Variants in PIK3C2A observed in about 807,000 individuals in gnomAD.
PIK3C2A encodes the protein phosphatidylinositol-4-phosphate 3-kinase catalytic subunit type 2 alpha.
Under a neutral mutation model 204.5 loss-of-function variants are expected in PIK3C2A, and 97 were observed. The observed-to-expected ratio is 0.47, with a 90% CI of 0.40 to 0.56. The LOEUF (loss-of-function observed/expected upper bound fraction) is 0.56. Among genes scored for constraint, PIK3C2A ranks in the 20% least tolerant of loss-of-function variants. PIK3C2A has a pLI of 0.00. For synonymous variants in PIK3C2A, 653 were observed against 664.4 expected, an observed-to-expected ratio of 0.98 and a Z score of 0.26; for missense variants, 1,735 against 1,969.2, an observed-to-expected ratio of 0.88 and a Z score of 2.25.
intron 1 of PIK3C2A, among the ~76,000 whole-genome samples, chr11:17,178,712 A>C (rs6486355): frequency 1.7e-5 from 1 of 59,934 alleles, no homozygotes; most frequent in Non-Finnish European, 3.1e-5. Context: ...TTGATTTTTG[A>C]ATTTTTTTTT....
intron 22 of PIK3C2A, among the ~76,000 whole-genome samples, chr11:17,109,974 A>G (rs1848943552): frequency 1.3e-5 from 2 of 152,118 alleles, no homozygotes; most frequent in East Asian, 3.9e-4. Context: ...TTATTTTGAG[A>G]TAGAGTCTCA....
chr11:17,088,188 T>G lies in PIK3C2A; in HGVS notation c.*1550A>C, dbSNP rs552250967. 1 of 152,306 alleles carries G rather than the reference T, an allele frequency of 6.6e-6. No individual in the cohort carries two copies. Among genetic ancestry groups the G allele is most frequent in the South Asian group, 2.1e-4 (1 of 4,832 alleles). The allele number at this position is 152,306 out of a possible 1,614,324, so 9.4% of individuals were successfully genotyped here. ...CATGAGTTCTTATTATATATATGTA[T>G]ATATCCAAATTAACAAAATTGTGTC... On this transcript the variant is annotated 3_prime_UTR_variant, in exon 33 of 33. Transcript: ENST00000691414.
chr11:17,127,180 T>C (rs1038309050), intron 13 of PIK3C2A, among the ~76,000 whole-genome samples: 3 of 152,176 alleles, frequency 2.0e-5, no homozygotes, highest in African/African-American at 7.2e-5. Context: ...TAGCCTTTGG[T>C]AGTTCAAAAT....
At chr11:17,165,524 C>T (rs1164753384) in intron 2 of PIK3C2A, among the ~76,000 whole-genome samples, 2 of 151,934 alleles carry the variant, frequency 1.3e-5, no homozygotes, top group African/African-American at 4.8e-5. Context: ...GCCTGTAATC[C>T]CAGCACGTTG....
At chr11:17,182,218 G>T (rs621246) in intron 1 of PIK3C2A, among the ~76,000 whole-genome samples, 87,872 of 151,850 alleles carry the variant, frequency 0.58, 25,756 homozygotes, top group East Asian at 0.82. Context: ...ACCCAAGTAT[G>T]TATTTATAAT....
intron 22 of PIK3C2A, among the ~76,000 whole-genome samples, chr11:17,108,411 G>A (rs1316438751): frequency 2.0e-5 from 3 of 152,086 alleles, no homozygotes; most frequent in Non-Finnish European, 4.4e-5. Context: ...GGCCGGCCTC[G>A]ACAACATAGT....
chr11:17,196,529 C>A (rs1459597991), intron 1 of PIK3C2A, among the ~76,000 whole-genome samples: 3 of 151,994 alleles, frequency 2.0e-5, no homozygotes, highest in Non-Finnish European at 2.9e-5. Context: ...GAGAAAAGAA[C>A]AGTAATGTGA....
intron 1 of PIK3C2A, among the ~76,000 whole-genome samples, chr11:17,181,646 AT>A: frequency 9.8e-6 from 1 of 102,138 alleles, no homozygotes; most frequent in African/African-American, 5.6e-5. Context: ...ATATATATAT[AT>A]ATATATATAT....
rs1260001313 is a variant in PIK3C2A, at chr11:17,088,646, G to A, written c.*1092C>T. The A allele has an allele frequency of 6.6e-6, 1 of 152,208 alleles. No individual in the cohort carries two copies. The highest frequency in any genetic ancestry group is 2.4e-5 in the African/African-American group (1 of 41,450). 9.4% of individuals were successfully genotyped at this position (152,208 alleles called of 1,614,324 possible). On this transcript the variant is annotated 3_prime_UTR_variant, in exon 33 of 33. Transcript: ENST00000691414. ...ATAACTTTTCATGTGAATGTAAAATGTTTACACACATAAGTAAGACAGTTT... is the reference window on the plus strand; with the variant it reads ...ATAACTTTTCATGTGAATGTAAAATATTTACACACATAAGTAAGACAGTTT...
chr11:17,095,670 G>A (rs984110273), intron 27 of PIK3C2A, among the ~76,000 whole-genome samples: 104 of 151,938 alleles, frequency 6.8e-4, no homozygotes, highest in African/African-American at 2.5e-3. Flanking sequence ...AGAACTTCGA[G>A]AGGCCGAAAT....
intron 13 of PIK3C2A, among the ~76,000 whole-genome samples, chr11:17,128,028 T>TC (rs1396014156): frequency 1.3e-5 from 2 of 151,738 alleles, no homozygotes; most frequent in African/African-American, 2.4e-5. Context: ...GTACTTTGAT[T>TC]CCCCCCACTC....
rs1565241594 is a variant in PIK3C2A at position 17,102,654 on chromosome 11, C to A, written c.3851+8G>T. 6.2e-7 allele frequency: 1 copy of A among 1,603,144 alleles called. No homozygotes were observed. The highest frequency in any genetic ancestry group is 1.7e-5 in the Admixed American group (1 of 57,964). ...CTCATTTCTTTGGCAACAGCAATAA[C>A]ATTATACCTTTTGAAGCTGCCAAAC... On this transcript the variant is annotated splice_region_variant and intron_variant, in intron 24 of 32. Transcript: ENST00000691414.
intron 1 of PIK3C2A, chr11:17,194,385 T>C: frequency 4.5e-6 from 1 of 221,978 alleles, no homozygotes; most frequent in African/African-American, 2.3e-5. Flanking sequence ...GCTGGGGTCC[T>C]CACCTCCTGT....
chr11:17,095,618 T>A (rs1391308884), intron 27 of PIK3C2A, among the ~76,000 whole-genome samples: 4 of 148,484 alleles, frequency 2.7e-5, no homozygotes, highest in East Asian at 2.0e-4. Context: ...AAAAAATAAA[T>A]AATAAATAAA....
intron 28 of PIK3C2A, among the ~76,000 whole-genome samples, chr11:17,092,594 C>T (rs1848340962): frequency 6.6e-6 from 1 of 152,138 alleles, no homozygotes; most frequent in East Asian, 1.9e-4. Context: ...ATCACTTGAA[C>T]CTGGGAAGCG....
rs1849404947 is a variant in PIK3C2A at position 17,122,784 on chromosome 11, T to C, written c.2429A>G (p.Tyr810Cys). The C allele has an allele frequency of 2.0e-6, 3 of 1,523,334 alleles. No homozygotes were observed. The East Asian group carries it at 6.8e-5, about 35-fold the overall frequency. The allele number at this position is 1,523,334 out of a possible 1,614,324, so 94.4% of individuals were successfully genotyped here. A position where few individuals can be genotyped will look rare whatever the true frequency, so the allele number is the denominator to read the frequency against. The change falls in exon 14 of 33, where the codon TAT becomes TGT. Residue 810 changes from tyrosine to cysteine, a missense_variant. Transcript: ENST00000691414. ...RFLTCGTKLL[Y>C]LWTSSHTNSV... ...ATTTGTATGTGATGAAGTCCAAAGATATAGAAGTTTAGTTCCACATGTTAA... is the reference window on the plus strand; with the variant it reads ...ATTTGTATGTGATGAAGTCCAAAGACATAGAAGTTTAGTTCCACATGTTAA...
chr11:17,191,740 G>A (rs1424317112), intron 1 of PIK3C2A, among the ~76,000 whole-genome samples: 1 of 152,154 alleles, frequency 6.6e-6, no homozygotes, highest in African/African-American at 2.4e-5. Flanking sequence ...AGTGAAAGTG[G>A]TCTTATGGAA....
In PIK3C2A at chr11:17,131,961, A is replaced by G. The variant is rs1201033616; in HGVS notation, c.2186T>C (p.Val729Ala). 10 of 1,592,334 alleles carry G rather than the reference A, an allele frequency of 6.3e-6. No homozygotes were observed. The highest frequency in any genetic ancestry group is 7.7e-6 in the Non-Finnish European group (9 of 1,164,896). ...ATAGAAGAAATTCTTGTAAGTGCCA[A>G]CCTTCTTTGATTGAATAGGTTTAAA... ...DLFKPIQSKK[V>A]GTYKNFFYLI... Residue 729 changes from valine to alanine, a missense_variant, in exon 12 of 33, where the codon GTT becomes GCT. Val to Ala is a moderately conservative substitution (Grantham distance 64, BLOSUM62 0). Coordinates refer to ENST00000691414, the MANE Select transcript of PIK3C2A (RefSeq NM_002645.4).
Position 17,087,628 on chromosome 11 carries a change from T to G in PIK3C2A, c.*2110A>C, listed in dbSNP as rs1848190980. On this transcript the variant is annotated 3_prime_UTR_variant, in exon 33 of 33. Transcript: ENST00000691414. Reference sequence around the variant, plus strand: ...TAATTAACGACCTCTACCAAGACAGTTTTTGTTTGTTTGTTTGTTTTTAAA... The same window carrying G: ...TAATTAACGACCTCTACCAAGACAGGTTTTGTTTGTTTGTTTGTTTTTAAA... 1 of 152,072 alleles carries G rather than the reference T, an allele frequency of 6.6e-6. No individual in the cohort carries two copies. Among genetic ancestry groups the G allele is most frequent in the Non-Finnish European group, 1.5e-5 (1 of 68,004 alleles). The allele number at this position is 152,072 out of a possible 1,614,324, so 9.4% of individuals were successfully genotyped here.
Sources: gnomAD v4.1 joint callset for allele counts (sites outside exome capture counted in the v4.1 genomes callset) on GRCh38, gnomAD v4.1.1 for gene constraint, MANE v1.5 for transcripts, NCBI Gene and HGNC (gene_info 2026-07-23, HGNC 2026-07-21) for gene names.